Variants in KDM2A observed in about 807,000 individuals in gnomAD.
KDM2A encodes lysine-specific demethylase 2A.
A neutral mutation model predicts 137.3 loss-of-function variants in KDM2A; 3 were observed. The observed-to-expected ratio is 0.02, with a 90% CI of 0.01 to 0.06. The LOEUF is 0.06. Ranked by LOEUF, KDM2A falls within the 10% of genes least tolerant of loss-of-function variation. The probability of loss-of-function intolerance (pLI) is 1.00; values close to 1 mark genes in which losing one functional copy is unlikely to be tolerated. For synonymous variants in KDM2A, 512 were observed against 541.5 expected, an observed-to-expected ratio of 0.95 and a Z score of 0.76; for missense variants, 738 against 1,510.6, an observed-to-expected ratio of 0.49 and a Z score of 8.48.
intron 15 of KDM2A, among the ~76,000 whole-genome samples, chr11:67,247,037 TTATATATATATA>T (rs59101290): frequency 4.2e-4 from 14 of 33,068 alleles, no homozygotes; most frequent in South Asian, 1.8e-3. Flanking sequence ...ATAAATTATT[TTATATATATATA>T]TATATATATA....
At chr11:67,128,587 A>G (rs896421399) in intron 2 of KDM2A, among the ~76,000 whole-genome samples, 3 of 152,196 alleles carry the variant, frequency 2.0e-5, no homozygotes, top group South Asian at 2.1e-4. Flanking sequence ...TCAAAAATGC[A>G]GATAATGACA....
chr11:67,139,552 GT>G (rs1471354387), intron 2 of KDM2A, among the ~76,000 whole-genome samples: 2 of 151,292 alleles, frequency 1.3e-5, no homozygotes, highest in Non-Finnish European at 3.0e-5. Context: ...GCCTCTTTTT[GT>G]TTTTTAGAGA....
chr11:67,202,545 G>T (rs1857655914), intron 5 of KDM2A, among the ~76,000 whole-genome samples: 1 of 152,116 alleles, frequency 6.6e-6, no homozygotes, highest in Admixed American at 6.6e-5. Context: ...GGCTGAGGCG[G>T]GTGGATCACA....
At chr11:67,162,191 G>C (rs1856651458) in intron 2 of KDM2A, among the ~76,000 whole-genome samples, 1 of 152,064 alleles carries the variant, frequency 6.6e-6, no homozygotes, top group Non-Finnish European at 1.5e-5. Context: ...TCTCTTGGCT[G>C]TATGAAATTC....
intron 5 of KDM2A, among the ~76,000 whole-genome samples, chr11:67,201,193 CAAAA>C (rs35150844): frequency 1.8e-5 from 2 of 111,632 alleles, no homozygotes; most frequent in African/African-American, 6.7e-5. Flanking sequence ...GACTCTGTCT[CAAAA>C]AAAAAAATAT....
chr11:67,223,319 T>C (rs1328196729), intron 10 of KDM2A, among the ~76,000 whole-genome samples: 1 of 152,052 alleles, frequency 6.6e-6, no homozygotes, highest in Non-Finnish European at 1.5e-5. Context: ...ATTAATACAG[T>C]CTTATAAGTT....
At chr11:67,181,181 A>G in intron 3 of KDM2A, 139 bp from the exon 4 acceptor site, 1 of 465,014 alleles carries the variant, frequency 2.2e-6, no homozygotes, top group East Asian at 3.3e-5. Context: ...CTAAGCATAT[A>G]TTTTATTGAC....
intron 15 of KDM2A, among the ~76,000 whole-genome samples, chr11:67,246,320 G>A (rs1859202705): frequency 6.6e-6 from 1 of 152,176 alleles, no homozygotes; most frequent in Non-Finnish European, 1.5e-5. Context: ...GGATAGAACA[G>A]TACACAAAAT....
chr11:67,182,619 G>T (rs1234550253), intron 5 of KDM2A, among the ~76,000 whole-genome samples: 1 of 141,922 alleles, frequency 7.0e-6, no homozygotes, highest in Admixed American at 7.7e-5. Flanking sequence ...TGCAACCTCC[G>T]CCTGCTGCAT....
rs1772914110 is a variant in KDM2A, at chr11:67,119,514, A to G, written c.-619A>G. The G allele has an allele frequency of 6.6e-6, 1 of 152,146 alleles. No homozygotes were observed. Among genetic ancestry groups the G allele is most frequent in the South Asian group, 1.9e-4 (1 of 5,308 alleles). The allele number at this position is 152,146 out of a possible 1,614,324, so 9.4% of individuals were successfully genotyped here. A position where few individuals can be genotyped will look rare whatever the true frequency, so the allele number is the denominator to read the frequency against. ...GGAGTAGCCGGGGGGCTCGTCCCGCAGCGCGGAGCCAGACCTGAGGGGGAG... is the reference window on the plus strand; with the variant it reads ...GGAGTAGCCGGGGGGCTCGTCCCGCGGCGCGGAGCCAGACCTGAGGGGGAG... On this transcript the variant is annotated 5_prime_UTR_variant, in exon 1 of 21. Coordinates refer to ENST00000529006, the MANE Select transcript of KDM2A (RefSeq NM_012308.3).
chr11:67,190,572 C>A (rs1857327601), intron 5 of KDM2A, among the ~76,000 whole-genome samples: 1 of 151,854 alleles, frequency 6.6e-6, no homozygotes, highest in Non-Finnish European at 1.5e-5. Context: ...CCATCCTGGG[C>A]AACATGGTGA....
chr11:67,225,659 A>G (rs1858519446), intron 10 of KDM2A, among the ~76,000 whole-genome samples: 1 of 151,816 alleles, frequency 6.6e-6, no homozygotes, highest in African/African-American at 2.4e-5. Context: ...AATCCCAGCT[A>G]CTCGGGAGGC....
intron 6 of KDM2A, among the ~76,000 whole-genome samples, chr11:67,212,827 T>G (rs1183987930): frequency 1.3e-5 from 2 of 152,162 alleles, no homozygotes; most frequent in Admixed American, 1.3e-4. Flanking sequence ...TTCCTCTCCC[T>G]ATTCAGACAT....
intron 15 of KDM2A, among the ~76,000 whole-genome samples, chr11:67,246,934 G>GT (rs1859235581): frequency 6.7e-6 from 1 of 150,070 alleles, no homozygotes; most frequent in Admixed American, 6.7e-5. Context: ...GAAGAACCGG[G>GT]TTTTTGTTTT....
intron 12 of KDM2A, among the ~76,000 whole-genome samples, chr11:67,233,044 T>C (rs1012510895): frequency 1.3e-5 from 2 of 152,142 alleles, no homozygotes; most frequent in Non-Finnish European, 2.9e-5. Context: ...TTATTTTAAG[T>C]CTTTCCTCCT....
At chr11:67,143,707 A>G (rs556880599) in intron 2 of KDM2A, among the ~76,000 whole-genome samples, 1 of 151,928 alleles carries the variant, frequency 6.6e-6, no homozygotes, top group African/African-American at 2.4e-5. Context: ...ATCTTGGCTC[A>G]CTGCAACCTC....
At chr11:67,169,681 C>T (rs949713240) in intron 2 of KDM2A, among the ~76,000 whole-genome samples, 1 of 150,760 alleles carries the variant, frequency 6.6e-6, no homozygotes, top group Non-Finnish European at 1.5e-5. Flanking sequence ...CAGCCCATCA[C>T]TTGGTTTCTT....
At chr11:67,230,728 G>A (rs1009643634) in intron 11 of KDM2A, among the ~76,000 whole-genome samples, 4 of 151,730 alleles carry the variant, frequency 2.6e-5, no homozygotes, top group Non-Finnish European at 2.9e-5. Flanking sequence ...AGTTGTTATC[G>A]TAGGATGGAG....
At chr11:67,156,691 C>G (rs1223099133) in intron 2 of KDM2A, among the ~76,000 whole-genome samples, 3 of 145,638 alleles carry the variant, frequency 2.1e-5, no homozygotes, top group African/African-American at 7.7e-5. Context: ...TGCACTCCAG[C>G]CTGGGCAACA....
Sources: gnomAD v4.1 joint callset for allele counts (sites outside exome capture counted in the v4.1 genomes callset) on GRCh38, gnomAD v4.1.1 for gene constraint, MANE v1.5 for transcripts, NCBI Gene and HGNC (gene_info 2026-07-23, HGNC 2026-07-21) for gene names.